Variants in FER observed in about 807,000 individuals in gnomAD.
FER encodes the protein FER tyrosine kinase.
In FER, 63 loss-of-function variants were observed where a neutral mutation model predicts 111.0. The ratio of observed to expected loss-of-function variants is 0.57; its 90% CI spans 0.46 to 0.70. The LOEUF is 0.70. Among genes scored for constraint, FER ranks in the 30% least tolerant of loss-of-function variants. FER has a pLI of 0.00. For missense variants in FER, 914 were observed against 954.0 expected (o/e 0.96, Z 0.55); for synonymous variants, 327 against 313.9 (o/e 1.04, Z -0.44).
At chr5:108,966,356 TTAAAG>T (rs769942345) in intron 13 of FER, among the ~76,000 whole-genome samples, 18 of 151,954 alleles carry the variant, frequency 1.2e-4, no homozygotes, top group Non-Finnish European at 2.1e-4. Context: ...TTTCATCATT[TTAAAG>T]TATTTATTAT....
At chr5:108,843,843 A>G (rs1409080099) in intron 5 of FER, among the ~76,000 whole-genome samples, 1 of 152,092 alleles carries the variant, frequency 6.6e-6, no homozygotes, top group African/African-American at 2.4e-5. Context: ...TGAAATTTTT[A>G]TAAAATCAAA....
chr5:108,953,954 ATCAGCACATT>A (rs1758095762), intron 11 of FER, among the ~76,000 whole-genome samples: 1 of 152,106 alleles, frequency 6.6e-6, no homozygotes, highest in Non-Finnish European at 1.5e-5. Context: ...TTAATCTACT[ATCAGCACATT>A]TCAAGGAAAT....
chr5:109,158,226 C>A (rs1159245590), intron 17 of FER, among the ~76,000 whole-genome samples: 3 of 151,426 alleles, frequency 2.0e-5, no homozygotes, highest in Non-Finnish European at 4.4e-5. Context: ...AAAAAAAATA[C>A]CAAAAAATTA....
intron 17 of FER, among the ~76,000 whole-genome samples, chr5:109,135,922 T>C (rs1449833796): frequency 6.6e-6 from 1 of 152,036 alleles, no homozygotes; most frequent in Non-Finnish European, 1.5e-5. Flanking sequence ...TCCTTCTGCT[T>C]GGCCCGGGCC....
chr5:109,091,845 G>A (rs755161741), intron 16 of FER, among the ~76,000 whole-genome samples: 4 of 152,150 alleles, frequency 2.6e-5, no homozygotes, highest in Non-Finnish European at 5.9e-5. Context: ...ATATTAAGAG[G>A]TGGGGCCTTC....
At chr5:108,995,092 T>C (rs1432407897) in intron 13 of FER, among the ~76,000 whole-genome samples, 4 of 152,138 alleles carry the variant, frequency 2.6e-5, no homozygotes, top group Admixed American at 6.5e-5. Flanking sequence ...CCTATTTGTA[T>C]ACCCTCTATT....
chr5:109,056,754 A>G (rs1236620973), intron 16 of FER, among the ~76,000 whole-genome samples: 1 of 152,200 alleles, frequency 6.6e-6, no homozygotes, highest in African/African-American at 2.4e-5. Context: ...ACTATGTAAG[A>G]TGATGGATAT....
chr5:108,951,639 A>G (rs1189699276), intron 11 of FER, among the ~76,000 whole-genome samples: 7 of 152,314 alleles, frequency 4.6e-5, no homozygotes, highest in Admixed American at 6.5e-5. Context: ...CAGAATTTAA[A>G]AAAGTTTGTG....
chr5:109,068,204 G>A (rs1397204226), intron 16 of FER, among the ~76,000 whole-genome samples: 1 of 149,898 alleles, frequency 6.7e-6, no homozygotes. Flanking sequence ...ATTTTTTTGA[G>A]ACGGAGTCTT....
At chr5:109,012,474 G>A (rs1766412998) in intron 13 of FER, among the ~76,000 whole-genome samples, 3 of 152,308 alleles carry the variant, frequency 2.0e-5, no homozygotes, top group Middle Eastern at 3.4e-3. Flanking sequence ...TCATCTTTAA[G>A]AGGCATTTAT....
intron 17 of FER, among the ~76,000 whole-genome samples, chr5:109,135,491 G>A (rs1181880591): frequency 3.9e-5 from 6 of 152,192 alleles, no homozygotes; most frequent in East Asian, 1.9e-4. Flanking sequence ...TTTGCAAGTC[G>A]CAATGGTTAC....
At chr5:109,031,942 C>T (rs961783241) in intron 13 of FER, among the ~76,000 whole-genome samples, 11 of 152,090 alleles carry the variant, frequency 7.2e-5, no homozygotes, top group African/African-American at 2.7e-4. Flanking sequence ...ATGAACTTTC[C>T]TAGAGAAGCA....
intron 17 of FER, among the ~76,000 whole-genome samples, chr5:109,132,855 T>C (rs1044907881): frequency 2.6e-5 from 4 of 152,232 alleles, no homozygotes; most frequent in East Asian, 1.9e-4. Context: ...GACTTCAGGC[T>C]CCTCTTAGTA....
chr5:108,755,039 C>G (rs1750928751), intron 1 of FER, among the ~76,000 whole-genome samples: 1 of 152,130 alleles, frequency 6.6e-6, no homozygotes, highest in Non-Finnish European at 1.5e-5. Context: ...AAAATGCAGT[C>G]AAATTTAATG....
intron 1 of FER, among the ~76,000 whole-genome samples, chr5:108,767,599 C>T (rs1391113350): frequency 6.6e-6 from 1 of 152,140 alleles, no homozygotes; most frequent in Non-Finnish European, 1.5e-5. Flanking sequence ...GTCTTCCTAC[C>T]TCATCTTCCC....
intron 13 of FER, among the ~76,000 whole-genome samples, chr5:109,009,627 A>T (rs1174763913): frequency 1.3e-5 from 2 of 152,210 alleles, no homozygotes; most frequent in Non-Finnish European, 2.9e-5. Context: ...CTTTCAAGAC[A>T]CAATTCCGTT....
chr5:108,830,200 T>A (rs1275162407), intron 3 of FER, among the ~76,000 whole-genome samples: 1 of 152,172 alleles, frequency 6.6e-6, no homozygotes, highest in African/African-American at 2.4e-5. Context: ...ATGCCTGCAA[T>A]CCCAGAACTT....
chr5:108,916,506 G>A (rs1173056439), intron 10 of FER, among the ~76,000 whole-genome samples: 1 of 152,072 alleles, frequency 6.6e-6, no homozygotes, highest in African/African-American at 2.4e-5. Flanking sequence ...GGATCGGGAG[G>A]GGCCTGGATG....
chr5:108,894,531 C>A, intron 9 of FER: 1 of 396,618 alleles, frequency 2.5e-6, no homozygotes. Context: ...GTTGAGATAC[C>A]GATCCACAGA....
Sources: allele counts gnomAD v4.1 joint callset (sites outside exome capture counted in the v4.1 genomes callset), GRCh38; gene constraint gnomAD v4.1.1; transcripts MANE v1.5; gene names NCBI Gene and HGNC (gene_info 2026-07-23, HGNC 2026-07-21).